The following HYDIN variants were observed in gnomAD, a reference collection of about 807,000 sequenced individuals.
HYDIN encodes HYDIN axonemal central pair apparatus protein.
In HYDIN, 132 loss-of-function variants were observed where a neutral mutation model predicts 403.9. The ratio of observed to expected loss-of-function variants is 0.33; its 90% CI spans 0.28 to 0.38. HYDIN has a LOEUF of 0.38. HYDIN is among the 10% of genes least tolerant of loss of function. The pLI is 1.00. For synonymous variants in HYDIN, 1,202 were observed against 1,891.7 expected (o/e 0.64, Z 9.46); for missense variants, 2,827 against 5,009.5 (o/e 0.56, Z 13.15).
At chr16:71,153,349 A>G (rs2085618524) in intron 6 of HYDIN, among the ~76,000 whole-genome samples, 1 of 151,996 alleles carries the variant, frequency 6.6e-6, no homozygotes, top group Non-Finnish European at 1.5e-5. Flanking sequence ...CAGAGGGTCT[A>G]TATTAAAAGG....
chr16:71,183,481 T>C (rs1428358210), intron 3 of HYDIN, among the ~76,000 whole-genome samples: 1 of 152,162 alleles, frequency 6.6e-6, no homozygotes, highest in East Asian at 1.9e-4. Flanking sequence ...ATCCTAATAC[T>C]GAACTTTAAA....
chr16:70,909,456 C>T (rs1178369501), intron 47 of HYDIN, among the ~76,000 whole-genome samples: 3 of 151,398 alleles, frequency 2.0e-5, no homozygotes, highest in Middle Eastern at 3.4e-3. Context: ...GAGTTGAAGG[C>T]CTGGTACAGT....
intron 59 of HYDIN, 25 bp from the exon 60 acceptor site, chr16:70,882,920 A>G: frequency 6.5e-7 from 1 of 1,544,188 alleles, no homozygotes; most frequent in Non-Finnish European, 9.0e-7. Context: ...GGAGACCATG[A>G]GATGCTGCCT....
intron 1 of HYDIN, among the ~76,000 whole-genome samples, chr16:71,229,032 C>A (rs1302888861): frequency 1.3e-5 from 2 of 151,998 alleles, no homozygotes; most frequent in South Asian, 2.1e-4. Flanking sequence ...TGGAAACCAT[C>A]ATTCTCAGCA....
In HYDIN at chr16:70,804,944, G is replaced by C. The variant is rs557232793; in HGVS notation, c.*2636C>G. ...CCAAGGCTGGCTATAAGCCATGCTGGGGCTGGTGGCATGTTAGACAAGATT... is the reference window on the plus strand; with the variant it reads ...CCAAGGCTGGCTATAAGCCATGCTGCGGCTGGTGGCATGTTAGACAAGATT... On this transcript the variant is annotated 3_prime_UTR_variant, in exon 86 of 86. Coordinates refer to ENST00000393567, the MANE Select transcript of HYDIN (RefSeq NM_001270974.2). Among the ~76,000 whole-genome samples, 7 of 152,332 alleles carry C rather than the reference G, an allele frequency of 4.6e-5. No individual in the cohort carries two copies. Among genetic ancestry groups the C allele is most frequent in the African/African-American group, 1.7e-4 (7 of 41,574 alleles).
chr16:71,064,014 G>GC (rs2082175504), intron 16 of HYDIN, among the ~76,000 whole-genome samples: 1 of 125,178 alleles, frequency 8.0e-6, no homozygotes, highest in East Asian at 2.0e-4. Flanking sequence ...CATTGATCTT[G>GC]TAGCCAAATA....
chr16:71,019,479 G>T (rs960345593), intron 22 of HYDIN, among the ~76,000 whole-genome samples: 1 of 152,426 alleles, frequency 6.6e-6, no homozygotes, highest in South Asian at 2.1e-4. Context: ...TGAAAGCCAG[G>T]CCAGCCACTG....
intron 48 of HYDIN, 44 bp downstream of exon 48, chr16:70,908,609 G>T: frequency 6.8e-7 from 1 of 1,476,510 alleles, no homozygotes. Flanking sequence ...CCTCAGTGTG[G>T]GCTTTGGCCC....
intron 71 of HYDIN, among the ~76,000 whole-genome samples, chr16:70,858,761 G>T (rs1037594462): frequency 6.6e-6 from 1 of 152,200 alleles, no homozygotes; most frequent in Non-Finnish European, 1.5e-5. Context: ...CTTGCCTCTT[G>T]GAACCGAGCT....
chr16:70,871,936 A>G (rs2040132281), intron 65 of HYDIN, 101 bp downstream of exon 65: 1 of 639,452 alleles, frequency 1.6e-6, no homozygotes, highest in Non-Finnish European at 2.8e-6. Context: ...CTTGAGATGC[A>G]TTAATTCCAT....
chr16:71,174,026 A>T (rs1255638906), intron 5 of HYDIN, among the ~76,000 whole-genome samples: 1 of 152,220 alleles, frequency 6.6e-6, no homozygotes, highest in Non-Finnish European at 1.5e-5. Context: ...TTCTCCCCAC[A>T]GACAATATTC....
chr16:70,957,596 A>C (rs1327519576), intron 39 of HYDIN, among the ~76,000 whole-genome samples: 1 of 151,648 alleles, frequency 6.6e-6, no homozygotes, highest in Non-Finnish European at 1.5e-5. Context: ...AAGTGCTGGG[A>C]TTACAGGCGT....
intron 21 of HYDIN, among the ~76,000 whole-genome samples, chr16:71,025,169 T>A (rs898586299): frequency 2.6e-5 from 4 of 152,152 alleles, no homozygotes; most frequent in African/African-American, 9.7e-5. Context: ...TCAGGAATGA[T>A]GGAAATAGAA....
intron 18 of HYDIN, among the ~76,000 whole-genome samples, chr16:71,051,617 G>C (rs1479153168): frequency 1.3e-5 from 2 of 149,998 alleles, no homozygotes; most frequent in Admixed American, 6.6e-5. Flanking sequence ...CTGCACTCCA[G>C]CCTGGGCGAC....
chr16:71,069,518 T>G lies in HYDIN; in HGVS notation c.1739-16A>C, dbSNP rs1264473089. 9.3e-6 allele frequency: 15 copies of G among 1,608,812 alleles called. No homozygotes were observed. Among genetic ancestry groups the G allele is most frequent in the Non-Finnish European group, 1.3e-5 (15 of 1,176,710 alleles). ...TGAGGAAACCCTGGAAAACAAAATA[T>G]GATGTGAGAAATAAAAGCCCCCCCA... On this transcript the variant is annotated splice_polypyrimidine_tract_variant and intron_variant, in intron 13 of 85. Transcript: ENST00000393567.
At chr16:70,933,830 G>A (rs60363895) in intron 45 of HYDIN, 3,092 of 153,642 alleles carry the variant, frequency 0.02, 65 homozygotes, top group Middle Eastern at 0.16. Flanking sequence ...CCTTCACTTC[G>A]TTTTGGAATT....
At chr16:70,894,282 G>C (rs1383748733) in intron 55 of HYDIN, 167 bp downstream of exon 55, 2 of 593,060 alleles carry the variant, frequency 3.4e-6, no homozygotes, top group East Asian at 5.7e-5. Flanking sequence ...CGGTTCTTAT[G>C]ATTTCCTTGA....
chr16:70,877,716 G>A (rs1313652518), intron 62 of HYDIN, among the ~76,000 whole-genome samples: 1 of 152,102 alleles, frequency 6.6e-6, no homozygotes, highest in Non-Finnish European at 1.5e-5. Context: ...TGAGTGATGG[G>A]GTGTGGCTGT....
In HYDIN at chr16:70,818,381, G is replaced by A. The variant is rs369627334; in HGVS notation, c.14619C>T (p.Ile4873=). ...GCACCACAAACTGGGAGGGCAGGGC[G>A]ATGTCGGGCATCCGGCATTCCGTGG... ...TFSTECRMPD[I]ALPSQFVVPA... is the part of the protein sequence containing the mutation. The change falls in exon 84 of 86, where the codon ATC becomes ATT. Residue 4873 remains isoleucine (I), a synonymous_variant. Transcript: ENST00000393567. 1.0e-3 allele frequency: 1,649 copies of A among 1,613,744 alleles called. 3 individuals carry two copies. Among genetic ancestry groups the A allele is most frequent in the Middle Eastern group, 9.3e-3 (56 of 6,050 alleles).
Sources: allele counts gnomAD v4.1 joint callset (sites outside exome capture counted in the v4.1 genomes callset), GRCh38; gene constraint gnomAD v4.1.1; transcripts MANE v1.5; gene names NCBI Gene and HGNC (gene_info 2026-07-23, HGNC 2026-07-21).